Variants in TLN2 observed in about 807,000 individuals in gnomAD.
TLN2 encodes the protein talin 2, also known as talin-2.
Under a neutral mutation model 294.7 loss-of-function variants are expected in TLN2, and 118 were observed. That is an observed-to-expected ratio of 0.40 (90% CI 0.34 to 0.47). The LOEUF (loss-of-function observed/expected upper bound fraction) is 0.47. TLN2 is among the 20% of genes least tolerant of loss of function. The probability of loss-of-function intolerance (pLI) is 0.84; values close to 1 mark genes in which losing one functional copy is unlikely to be tolerated. For missense variants in TLN2, 3,083 were observed against 3,282.2 expected, an observed-to-expected ratio of 0.94 and a Z score of 1.48; for synonymous variants, 1,431 against 1,304.5, an observed-to-expected ratio of 1.10 and a Z score of -2.09.
At chr15:62,514,767 T>C (rs1337243568) in intron 1 of TLN2, among the ~76,000 whole-genome samples, 1 of 152,248 alleles carries the variant, frequency 6.6e-6, no homozygotes, top group Non-Finnish European at 1.5e-5. Context: ...TCAACAGTTA[T>C]CTTCCTAAAT....
chr15:62,805,831 G>A (rs577435709), intron 51 of TLN2, 46 bp downstream of exon 51: 21 of 1,578,074 alleles, frequency 1.3e-5, no homozygotes, highest in East Asian at 6.8e-5. Flanking sequence ...ATTCTCTGTC[G>A]TGACTGGGTT....
chr15:62,491,349 TATACACACACACACACACACAC>T (rs1404948555), intron 1 of TLN2, among the ~76,000 whole-genome samples: 6 of 84,566 alleles, frequency 7.1e-5, no homozygotes, highest in East Asian at 5.1e-4. Context: ...TATATATATA[TATACACACACACACACACACAC>T]ACACACACAC....
At chr15:62,653,360 T>C in intron 7 of TLN2, 46 bp downstream of exon 7, 3 of 1,562,412 alleles carry the variant, frequency 1.9e-6, no homozygotes, top group South Asian at 1.2e-5. Context: ...CAGGCTTTGC[T>C]AAGCCTCACT....
intron 1 of TLN2, among the ~76,000 whole-genome samples, chr15:62,455,830 G>A (rs1003294255): frequency 4.6e-5 from 7 of 152,046 alleles, no homozygotes; most frequent in Non-Finnish European, 7.4e-5. Flanking sequence ...ATTCCCCAGC[G>A]TCCTGTCCTC....
chr15:62,724,387 G>C (rs1490451760), intron 26 of TLN2, among the ~76,000 whole-genome samples: 1 of 152,204 alleles, frequency 6.6e-6, no homozygotes, highest in African/African-American at 2.4e-5. Flanking sequence ...ATAATTATAT[G>C]TGCATGTGTA....
chr15:62,646,241 C>T (rs1596478575), intron 3 of TLN2, among the ~76,000 whole-genome samples: 1 of 151,956 alleles, frequency 6.6e-6, no homozygotes, highest in South Asian at 2.1e-4. Flanking sequence ...CAGCTCACTG[C>T]AACCTCTGTC....
At chr15:62,697,516 C>T (rs959130874) in intron 14 of TLN2, among the ~76,000 whole-genome samples, 172 bp from the exon 15 acceptor site, 4 of 152,236 alleles carry the variant, frequency 2.6e-5, no homozygotes, top group African/African-American at 9.6e-5. Flanking sequence ...TCTCAGAGCT[C>T]TGCTAAGTGT....
intron 46 of TLN2, among the ~76,000 whole-genome samples, chr15:62,795,507 G>A (rs182927922): frequency 2.0e-3 from 302 of 152,200 alleles, no homozygotes; most frequent in African/African-American, 7.2e-3. Flanking sequence ...GGGCCCTCGG[G>A]GCACTGAAAT....
intron 25 of TLN2, among the ~76,000 whole-genome samples, chr15:62,721,053 C>T (rs2060116649): frequency 6.6e-6 from 1 of 152,264 alleles, no homozygotes; most frequent in Non-Finnish European, 1.5e-5. Flanking sequence ...TAAGATAGAG[C>T]CGTGTAGATG....
At chr15:62,772,819 C>A (rs958100298) in intron 42 of TLN2, among the ~76,000 whole-genome samples, 1 of 152,046 alleles carries the variant, frequency 6.6e-6, no homozygotes, top group Non-Finnish European at 1.5e-5. Context: ...CCTGCCACCA[C>A]ACCCAGCTAA....
chr15:62,440,131 G>T (rs2456467), intron 1 of TLN2, among the ~76,000 whole-genome samples: 30,020 of 152,048 alleles, frequency 0.2, 4,006 homozygotes, highest in East Asian at 0.6. Flanking sequence ...TCTATCCCAG[G>T]TTCGTTTTAT....
intron 1 of TLN2, among the ~76,000 whole-genome samples, chr15:62,560,370 G>A (rs1326517893): frequency 1.3e-5 from 2 of 152,066 alleles, no homozygotes; most frequent in African/African-American, 4.8e-5. Context: ...CCTCCCAAGT[G>A]GCAATGACCC....
intron 32 of TLN2, among the ~76,000 whole-genome samples, chr15:62,741,669 A>G (rs1160323921): frequency 6.6e-6 from 1 of 151,600 alleles, no homozygotes; most frequent in Non-Finnish European, 1.5e-5. Context: ...CCTTTTTATA[A>G]TGTGCAGATT....
chr15:62,498,153 C>CAAAAAAAAAA (rs538951284), intron 1 of TLN2, among the ~76,000 whole-genome samples: 85 of 93,166 alleles, frequency 9.1e-4, no homozygotes, highest in East Asian at 1.3e-3. Context: ...GACCCTGCCT[C>CAAAAAAAAAA]AAAAAAAAAA....
At chr15:62,633,273 A>C (rs1191782760) in intron 3 of TLN2, among the ~76,000 whole-genome samples, 1 of 152,206 alleles carries the variant, frequency 6.6e-6, no homozygotes, top group Non-Finnish European at 1.5e-5. Context: ...CCTTGCCTAC[A>C]CCAGCACCTG....
intron 44 of TLN2, among the ~76,000 whole-genome samples, chr15:62,781,743 A>G (rs1463431479): frequency 6.6e-6 from 1 of 152,192 alleles, no homozygotes; most frequent in Admixed American, 6.5e-5. Context: ...CAGTATGGTT[A>G]TGTAATAAGA....
At chr15:62,573,080 T>C (rs142936775) in intron 1 of TLN2, among the ~76,000 whole-genome samples, 21 of 152,336 alleles carry the variant, frequency 1.4e-4, no homozygotes, top group Non-Finnish European at 1.9e-4. Context: ...CTTACCTGTC[T>C]GTAAAAGCCT....
At chr15:62,819,038 T>A (rs80023546) in intron 52 of TLN2, among the ~76,000 whole-genome samples, 15 of 151,894 alleles carry the variant, frequency 9.9e-5, no homozygotes, top group Admixed American at 4.6e-4. Context: ...AATTTTTTTT[T>A]AATTAGAGAT....
At chr15:62,798,761 T>G (rs370522455) in intron 48 of TLN2, among the ~76,000 whole-genome samples, 2 of 152,164 alleles carry the variant, frequency 1.3e-5, no homozygotes, top group East Asian at 3.9e-4. Context: ...GCATGACACT[T>G]CCCTCCCTGA....
Sources: gnomAD v4.1 joint callset for allele counts (sites outside exome capture counted in the v4.1 genomes callset) on GRCh38, gnomAD v4.1.1 for gene constraint, MANE v1.5 for transcripts, NCBI Gene and HGNC (gene_info 2026-07-23, HGNC 2026-07-21) for gene names.